The following NUDCD3 variants were observed in gnomAD, a reference collection of about 807,000 sequenced individuals.
NUDCD3 encodes NudC domain containing 3, also known as nudC domain-containing protein 3.
Under a neutral mutation model 39.7 loss-of-function variants are expected in NUDCD3, and 13 were observed. The ratio of observed to expected loss-of-function variants is 0.33; its 90% CI spans 0.21 to 0.52. The LOEUF (loss-of-function observed/expected upper bound fraction) is 0.52. Among genes scored for constraint, NUDCD3 ranks in the 20% least tolerant of loss-of-function variants. The pLI, the probability that NUDCD3 is intolerant of heterozygous loss-of-function variation, is 0.96. For missense variants in NUDCD3, 453 were observed against 458.1 expected (o/e 0.99, Z 0.10); for synonymous variants, 175 against 172.4 (o/e 1.02, Z -0.12).
intron 2 of NUDCD3, among the ~76,000 whole-genome samples, chr7:44,433,358 T>C (rs929917295): frequency 6.6e-6 from 1 of 152,140 alleles, no homozygotes; most frequent in Non-Finnish European, 1.5e-5. Flanking sequence ...GGGGTACGTG[T>C]GTGCATACAA....
At chr7:44,459,626 C>T (rs1799969390) in intron 2 of NUDCD3, among the ~76,000 whole-genome samples, 1 of 152,170 alleles carries the variant, frequency 6.6e-6, no homozygotes, top group Non-Finnish European at 1.5e-5. Flanking sequence ...TTCCAAATTA[C>T]TTTTGTAATT....
At chr7:44,461,164 C>T (rs1167776735) in intron 2 of NUDCD3, among the ~76,000 whole-genome samples, 1 of 152,184 alleles carries the variant, frequency 6.6e-6, no homozygotes, top group Non-Finnish European at 1.5e-5. Context: ...CTCCTGGCTT[C>T]TTCGGCCCTG....
intron 2 of NUDCD3, chr7:44,468,191 A>T: frequency 6.2e-7 from 1 of 1,601,122 alleles, no homozygotes; most frequent in Non-Finnish European, 8.5e-7. Flanking sequence ...CTGTGCCGAG[A>T]TCGCTCACAA....
At chr7:44,457,249 C>T (rs10231203) in intron 2 of NUDCD3, among the ~76,000 whole-genome samples, 23,492 of 152,080 alleles carry the variant, frequency 0.15, 1,997 homozygotes, top group Non-Finnish European at 0.19. Flanking sequence ...ACATTTTCCC[C>T]GATGAATGGA....
At chr7:44,421,349 A>AAC (rs1799135456) in intron 3 of NUDCD3, among the ~76,000 whole-genome samples, 2 of 148,496 alleles carry the variant, frequency 1.3e-5, no homozygotes, top group Admixed American at 1.3e-4. Flanking sequence ...AAAAAAAAAA[A>AAC]CCACACACAG....
chr7:44,379,856 A>AG lies in NUDCD3; in HGVS notation c.*6154dup, dbSNP rs1163793172. ...GGGCCCTGAGGATGACGTGTATTTG[A>AG]GGGGGCAGGGTTCTCCAGTAGCAGG... is the stretch of plus-strand genomic sequence containing the variant. On this transcript the variant is annotated 3_prime_UTR_variant, in exon 6 of 6. Transcript: ENST00000355451. 2.0e-5 allele frequency: 3 copies of AG among 152,296 alleles called. No individual in the cohort carries two copies. Among genetic ancestry groups the AG allele is most frequent in the Non-Finnish European group, 4.4e-5 (3 of 68,248 alleles). The allele number at this position is 152,296 out of a possible 1,614,324, so 9.4% of individuals were successfully genotyped here.
At chr7:44,449,975 A>G (rs1254515290) in intron 2 of NUDCD3, among the ~76,000 whole-genome samples, 2 of 152,188 alleles carry the variant, frequency 1.3e-5, no homozygotes, top group Non-Finnish European at 2.9e-5. Flanking sequence ...TGCAAATTAT[A>G]TATCTGATAA....
intron 2 of NUDCD3, among the ~76,000 whole-genome samples, chr7:44,466,029 A>G (rs1800111511): frequency 6.6e-6 from 1 of 152,112 alleles, no homozygotes; most frequent in Admixed American, 6.5e-5. Flanking sequence ...ACCCAGGACC[A>G]TGGAAGCCTG....
At chr7:44,400,069 G>C (rs1425226454) in intron 4 of NUDCD3, among the ~76,000 whole-genome samples, 11 of 152,202 alleles carry the variant, frequency 7.2e-5, no homozygotes, top group Non-Finnish European at 1.6e-4. Context: ...ACCCACGGCA[G>C]CATGGAGGAC....
intron 4 of NUDCD3, among the ~76,000 whole-genome samples, chr7:44,399,482 T>C (rs1175721770): frequency 1.3e-5 from 2 of 152,246 alleles, no homozygotes; most frequent in Non-Finnish European, 2.9e-5. Context: ...ATCCATGGGA[T>C]GGCCTCAATG....
chr7:44,463,807 T>C (rs929169917), intron 2 of NUDCD3, among the ~76,000 whole-genome samples: 1 of 152,118 alleles, frequency 6.6e-6, no homozygotes, highest in Non-Finnish European at 1.5e-5. Context: ...AAAAGGAATG[T>C]ATTTTTACTA....
intron 2 of NUDCD3, among the ~76,000 whole-genome samples, chr7:44,437,734 T>G (rs1240556894): frequency 6.6e-6 from 1 of 152,234 alleles, no homozygotes; most frequent in Non-Finnish European, 1.5e-5. Flanking sequence ...AACTAGATGA[T>G]TCTATATTTA....
At chr7:44,484,004 G>T (rs533405883) in intron 2 of NUDCD3, among the ~76,000 whole-genome samples, 1 of 152,228 alleles carries the variant, frequency 6.6e-6, no homozygotes, top group South Asian at 2.1e-4. Context: ...GTAAGATCCG[G>T]TCTCTATTAA....
intron 2 of NUDCD3, among the ~76,000 whole-genome samples, chr7:44,455,269 G>C (rs1799870110): frequency 6.6e-6 from 1 of 151,978 alleles, no homozygotes; most frequent in Non-Finnish European, 1.5e-5. Context: ...TGCTTCTTAT[G>C]TGCATAAAGA....
intron 3 of NUDCD3, chr7:44,426,021 T>C (rs1799228195): frequency 3.7e-6 from 2 of 540,134 alleles, no homozygotes; most frequent in Non-Finnish European, 4.7e-6. Flanking sequence ...GCGGTACTTA[T>C]AGGACATGGC....
chr7:44,471,124 T>C (rs1800247554), intron 2 of NUDCD3, among the ~76,000 whole-genome samples: 1 of 152,228 alleles, frequency 6.6e-6, no homozygotes, highest in Non-Finnish European at 1.5e-5. Context: ...GATATGCAGT[T>C]GTCCCTTGGT....
chr7:44,449,476 CAAAG>C (rs945759921), intron 2 of NUDCD3, among the ~76,000 whole-genome samples: 2 of 151,944 alleles, frequency 1.3e-5, no homozygotes, highest in African/African-American at 4.8e-5. Context: ...GAACTGAAGA[CAAAG>C]AAGGAAGGCA....
At chr7:44,393,375 G>A (rs764603916) in intron 4 of NUDCD3, among the ~76,000 whole-genome samples, 2 of 152,180 alleles carry the variant, frequency 1.3e-5, no homozygotes, top group East Asian at 1.9e-4. Context: ...GAGAGCAAAC[G>A]TGAGGGGTGC....
At chr7:44,449,285 C>A (rs775329565) in intron 2 of NUDCD3, among the ~76,000 whole-genome samples, 39 of 152,064 alleles carry the variant, frequency 2.6e-4, no homozygotes, top group Non-Finnish European at 5.1e-4. Flanking sequence ...TGTGTTTCAA[C>A]GAAAAGGGAC....
Sources: gnomAD v4.1 joint callset for allele counts (sites outside exome capture counted in the v4.1 genomes callset) on GRCh38, gnomAD v4.1.1 for gene constraint, MANE v1.5 for transcripts, NCBI Gene and HGNC (gene_info 2026-07-23, HGNC 2026-07-21) for gene names.